Variants in SCNN1B observed in about 807,000 individuals in gnomAD.
SCNN1B encodes the protein sodium channel epithelial 1 subunit beta, also known as epithelial sodium channel subunit beta.
Under a neutral mutation model 65.3 loss-of-function variants are expected in SCNN1B, and 46 were observed. The ratio of observed to expected loss-of-function variants is 0.70; its 90% CI spans 0.56 to 0.90. The LOEUF (loss-of-function observed/expected upper bound fraction) is 0.90, where lower values mean the gene tolerates loss of function less well. Among genes scored for constraint, SCNN1B ranks in the 40% least tolerant of loss-of-function variants. SCNN1B has a pLI of 0.00. For synonymous variants in SCNN1B, 349 were observed against 330.6 expected (o/e 1.06, Z -0.60); for missense variants, 751 against 830.5 (o/e 0.90, Z 1.18).
intron 11 of SCNN1B, among the ~76,000 whole-genome samples, chr16:23,379,466 A>G (rs1403089289): frequency 1.3e-5 from 2 of 151,988 alleles, no homozygotes; most frequent in South Asian, 2.1e-4. Flanking sequence ...CTTTGAGTGA[A>G]CTCTCCAAGG....
chr16:23,332,987 C>T (rs897970352), intron 1 of SCNN1B, among the ~76,000 whole-genome samples: 2 of 152,048 alleles, frequency 1.3e-5, no homozygotes, highest in Non-Finnish European at 2.9e-5. Context: ...AGGAGAATCG[C>T]TTGAACCTGG....
At chr16:23,341,818 A>T (rs1298457858) in intron 1 of SCNN1B, among the ~76,000 whole-genome samples, 1 of 152,340 alleles carries the variant, frequency 6.6e-6, no homozygotes, top group South Asian at 2.1e-4. Context: ...ATAACTTTTT[A>T]AAATGGATAA....
intron 1 of SCNN1B, among the ~76,000 whole-genome samples, chr16:23,318,591 A>G (rs190303640): frequency 8.6e-4 from 131 of 152,378 alleles, no homozygotes; most frequent in African/African-American, 3.0e-3. Flanking sequence ...CCAGGGCAAT[A>G]GACTGAGACT....
chr16:23,344,539 T>C (rs1033992299), intron 1 of SCNN1B, among the ~76,000 whole-genome samples: 2 of 152,278 alleles, frequency 1.3e-5, no homozygotes, highest in African/African-American at 4.8e-5. Flanking sequence ...AATACTTTGA[T>C]GTTGCTCTTG....
At chr16:23,343,491 G>GAAGGAAGGAAGGAAGGAAGGAA (rs1962099758) in intron 1 of SCNN1B, among the ~76,000 whole-genome samples, 1 of 118,208 alleles carries the variant, frequency 8.5e-6, no homozygotes, top group African/African-American at 3.1e-5. Flanking sequence ...AGGAAGGAAG[G>GAAGGAAGGAAGGAAGGAAGGAA]AAGGAAGGAA....
intron 2 of SCNN1B, among the ~76,000 whole-genome samples, chr16:23,349,871 G>T (rs967823417): frequency 6.6e-6 from 1 of 152,040 alleles, no homozygotes; most frequent in African/African-American, 2.4e-5. Flanking sequence ...GCTGAGGTGG[G>T]CAGATTACTC....
At chr16:23,300,614 T>C (rs1222660341), upstream of SCNN1B, among the ~76,000 whole-genome samples, 3 of 152,062 alleles carry the variant, frequency 2.0e-5, no homozygotes, top group Non-Finnish European at 4.4e-5. Context: ...AGTGGGAAGA[T>C]TGCTTGAGGC....
At chr16:23,325,727 C>A (rs992978334) in intron 1 of SCNN1B, among the ~76,000 whole-genome samples, 1 of 151,984 alleles carries the variant, frequency 6.6e-6, no homozygotes, top group Non-Finnish European at 1.5e-5. Context: ...TCCAGCATCT[C>A]CCCAGATCCT....
Position 23,353,007 on chromosome 16 carries a change from G to C in SCNN1B, c.518G>C (p.Gly173Ala). ...GATCTCTTTGGAGACAACCACAATG[G>C]CTTAACAAGCAGCTCAGCATCAGAA... ...VLDLFGDNHN[G>A]LTSSSASEKI... Residue 173 changes from glycine (G) to alanine (A), a missense_variant, in exon 3 of 13, where the codon GGC becomes GCC. By Grantham distance (60) the Gly-to-Ala change is moderately conservative. Transcript: ENST00000343070. The C allele has an allele frequency of 1.2e-6, 2 of 1,614,142 alleles. No individual in the cohort carries two copies. The highest frequency in any genetic ancestry group is 2.2e-5 in the South Asian group (2 of 91,078).
rs1459536912 is a variant in SCNN1B at position 23,380,063 on chromosome 16, T to C, written c.1467-31T>C. The C allele has an allele frequency of 6.4e-7, 1 of 1,554,498 alleles. No homozygotes were observed. Among genetic ancestry groups the C allele is most frequent in the Non-Finnish European group, 8.9e-7 (1 of 1,125,810 alleles). ...CTGTCTGTTTGGAAGGGGGATACAT[T>C]AGTCCCGGCCCTTCTCGCTGCCTCC... On this transcript the variant is annotated intron_variant, in intron 11 of 12. Coordinates refer to ENST00000343070, the MANE Select transcript of SCNN1B (RefSeq NM_000336.3). This position sits in a 1 kb window ranked among gnomAD's most constrained non-coding sequence, Gnocchi z 5.4.
chr16:23,371,664 G>T, intron 6 of SCNN1B, 112 bp from the exon 7 acceptor site: 2 of 1,057,540 alleles, frequency 1.9e-6, no homozygotes, highest in Non-Finnish European at 2.9e-6. Flanking sequence ...GCCCCCCCTG[G>T]CACCTGCAGG....
chr16:23,355,954 A>C (rs867606983), intron 4 of SCNN1B, among the ~76,000 whole-genome samples: 1 of 151,950 alleles, frequency 6.6e-6, no homozygotes, highest in Non-Finnish European at 1.5e-5. Flanking sequence ...TTAAATTTTA[A>C]AAGGAAGGAG....
At chr16:23,325,002 C>T (rs997946669) in intron 1 of SCNN1B, among the ~76,000 whole-genome samples, 2 of 152,178 alleles carry the variant, frequency 1.3e-5, no homozygotes, top group Non-Finnish European at 2.9e-5. Flanking sequence ...GGGTAAAGCC[C>T]GGTGCAGCTG....
intron 7 of SCNN1B, among the ~76,000 whole-genome samples, chr16:23,374,577 A>C (rs1962853547): frequency 1.5e-5 from 2 of 134,536 alleles, no homozygotes; most frequent in South Asian, 4.3e-4. Context: ...CCATCTCAAA[A>C]AAAAAAAAAA....
chr16:23,313,470 T>G (rs1961386643), intron 1 of SCNN1B, among the ~76,000 whole-genome samples: 1 of 152,246 alleles, frequency 6.6e-6, no homozygotes, highest in Non-Finnish European at 1.5e-5. Context: ...CCCGTTGTTT[T>G]GTTTGCCTTA....
intron 1 of SCNN1B, among the ~76,000 whole-genome samples, chr16:23,305,330 A>G (rs750856860): frequency 1.3e-5 from 2 of 151,160 alleles, no homozygotes; most frequent in African/African-American, 2.4e-5. Context: ...ATAAGACTCC[A>G]TATTTCTGGA....
At chr16:23,336,371 AT>A (rs745716509) in intron 1 of SCNN1B, among the ~76,000 whole-genome samples, 16,522 of 134,382 alleles carry the variant, frequency 0.12, 2,237 homozygotes, top group African/African-American at 0.37. Flanking sequence ...AAGCAAGACG[AT>A]TTTTTTTTTT....
intron 2 of SCNN1B, among the ~76,000 whole-genome samples, chr16:23,291,451 T>A (rs1960922743): frequency 6.7e-6 from 1 of 148,328 alleles, no homozygotes; most frequent in Non-Finnish European, 1.5e-5. Flanking sequence ...TTTTTATATA[T>A]CCATATATAT....
chr16:23,318,407 G>C (rs984812924), intron 1 of SCNN1B, among the ~76,000 whole-genome samples: 1 of 152,100 alleles, frequency 6.6e-6, no homozygotes, highest in African/African-American at 2.4e-5. Flanking sequence ...TCAGGAGTTT[G>C]AGACCAGCCT....
Sources: allele counts gnomAD v4.1 joint callset (sites outside exome capture counted in the v4.1 genomes callset), GRCh38; gene constraint gnomAD v4.1.1; non-coding constraint Gnocchi (gnomAD v3.1); transcripts MANE v1.5; gene names NCBI Gene and HGNC (gene_info 2026-07-23, HGNC 2026-07-21).